The following FBXO8 variants were observed in gnomAD, a reference collection of about 807,000 sequenced individuals.
FBXO8 encodes F-box protein 8.
In FBXO8, 15 loss-of-function variants were observed where a neutral mutation model predicts 33.4. That is an observed-to-expected ratio of 0.45 (90% CI 0.30 to 0.69). The LOEUF (loss-of-function observed/expected upper bound fraction) is 0.69. FBXO8 is among the 30% of genes least tolerant of loss of function. The pLI is 0.08. For synonymous variants in FBXO8, 132 were observed against 131.5 expected, an observed-to-expected ratio of 1.00 and a Z score of -0.02; for missense variants, 274 against 380.3, an observed-to-expected ratio of 0.72 and a Z score of 2.32.
chr4:174,252,433 AC>A lies in FBXO8; in HGVS notation c.456+7265del, dbSNP rs1354004285. Among the ~76,000 whole-genome samples, 6 of 152,190 alleles carry A rather than the reference AC, an allele frequency of 3.9e-5. No homozygotes were observed. Among genetic ancestry groups the A allele is most frequent in the Non-Finnish European group, 7.4e-5 (5 of 68,026 alleles). ...ATACATTTACTTCAAAAATAAAATTACCTTGTATAACAAGAAGTTCCAAACT... is the reference window on the plus strand; with the variant it reads ...ATACATTTACTTCAAAAATAAAATTACTTGTATAACAAGAAGTTCCAAACT... On this transcript the variant is annotated intron_variant, in intron 3 of 5. Coordinates refer to ENST00000393674, the MANE Select transcript of FBXO8 (RefSeq NM_012180.3). The surrounding 1 kb of genome is among the most constrained non-coding windows in gnomAD (Gnocchi z 5.1).
chr4:174,271,526 C>A (rs912776965), intron 1 of FBXO8, among the ~76,000 whole-genome samples: 1 of 152,138 alleles, frequency 6.6e-6, no homozygotes, highest in Admixed American at 6.6e-5. Context: ...AACACACATA[C>A]ATCACATATC....
rs567363064 is a variant in FBXO8, at chr4:174,263,236, T to C, written c.-8-136A>G. 3.8e-4 allele frequency: 297 copies of C among 775,268 alleles called. 7 individuals carry two copies. The South Asian group carries it at 4.9e-3, about 13-fold the overall frequency. The allele number at this position is 775,268 out of a possible 1,614,324, so 48.0% of individuals were successfully genotyped here. On this transcript the variant is annotated intron_variant, in intron 1 of 5. Transcript: ENST00000393674. This position sits in a 1 kb window ranked among gnomAD's most constrained non-coding sequence, Gnocchi z 4.2. ...CATTAAAACCTACTAAAACCAGAAG[T>C]ATATTACTAAGAATAGCTGGAAAAT...
At position 174,270,860 on chromosome 4, in the gene FBXO8, GC is replaced by G. The variant is rs764795383; in HGVS notation, c.-8-7761del. Among the ~76,000 whole-genome samples the G allele has an allele frequency of 1.6e-4, 25 of 152,026 alleles. No individual in the cohort carries two copies. Among genetic ancestry groups the G allele is most frequent in the Non-Finnish European group, 2.6e-4 (18 of 67,996 alleles). Reference sequence around the variant, plus strand: ...ACGAACTCCTCACCTCAGGTGATCCGCCCGCCTCGGCTTCTCAGGAATAGGT... The same window carrying G: ...ACGAACTCCTCACCTCAGGTGATCCGCCGCCTCGGCTTCTCAGGAATAGGT... On this transcript the variant is annotated intron_variant, in intron 1 of 5. Transcript: ENST00000393674. The surrounding 1 kb of genome is among the most constrained non-coding windows in gnomAD (Gnocchi z 4.6).
chr4:174,243,628 C>A (rs1489331901), intron 3 of FBXO8, among the ~76,000 whole-genome samples: 2 of 150,306 alleles, frequency 1.3e-5, no homozygotes, highest in Admixed American at 1.3e-4. Context: ...TGTTGAATAA[C>A]TACATATTTG....
Position 174,245,578 on chromosome 4 carries a change from GT to G in FBXO8, c.457-4361del, listed in dbSNP as rs1736140160. 6.6e-6 allele frequency among the ~76,000 whole-genome samples: 1 copy of G among 151,868 alleles called. No homozygotes were observed. The highest frequency in any genetic ancestry group is 1.5e-5 in the Non-Finnish European group (1 of 67,888). ...ATAGTGCTGAATTTTAGGGTAAGAA[GT>G]TTATTCTCTATCCTAAATCTAACTG... On this transcript the variant is annotated intron_variant, in intron 3 of 5. Transcript: ENST00000393674. The surrounding 1 kb of genome is among the most constrained non-coding windows in gnomAD (Gnocchi z 4.6).
rs1006260536 is a variant in FBXO8, at chr4:174,241,399, T to A, written c.457-181A>T. On this transcript the variant is annotated intron_variant, in intron 3 of 5. Transcript: ENST00000393674. This position sits in a 1 kb window ranked among gnomAD's most constrained non-coding sequence, Gnocchi z 4.2. Reference sequence around the variant, plus strand: ...AAACTATTGTTTGTGGTTGATAGTTTACATGCAATGAAAAGCAGGAAATTC... The same window carrying A: ...AAACTATTGTTTGTGGTTGATAGTTAACATGCAATGAAAAGCAGGAAATTC... Among the ~76,000 whole-genome samples, 12 of 151,696 alleles carry A rather than the reference T, an allele frequency of 7.9e-5. No individual in the cohort carries two copies. Among genetic ancestry groups the A allele is most frequent in the African/African-American group, 2.7e-4 (11 of 41,412 alleles).
intron 3 of FBXO8, among the ~76,000 whole-genome samples, chr4:174,246,626 G>C (rs187494762): frequency 6.6e-6 from 1 of 151,904 alleles, no homozygotes; most frequent in Non-Finnish European, 1.5e-5. Context: ...ACCTACTCAT[G>C]TTAGAAGACA....
chr4:174,262,971 G>C lies in FBXO8; in HGVS notation c.122C>G (p.Thr41Ser), dbSNP rs1736606893. ...TCCTTGGACTTGTTTACGATGATTG[G>C]TGTTAGAAATGTTGCTCGCAGCCAT... ...RRMAASNISN[T>S]NHRKQVQGGI... The change falls in exon 2 of 6, where the codon ACC (threonine) becomes AGC (serine). Residue 41 changes from threonine (T) to serine (S), a missense_variant. Around this residue, in one of 2 missense-constraint regions of FBXO8, gnomAD observed 88 missense variants for 86.9 expected, o/e 1.01. Transcript: ENST00000393674. The surrounding 1 kb of genome is among the most constrained non-coding windows in gnomAD (Gnocchi z 4.6). 1 of 1,613,858 alleles carries C rather than the reference G, an allele frequency of 6.2e-7. No individual in the cohort carries two copies.
At chr4:174,238,741 C>CTATATATACATAGCCATGTATATA (rs1286122933) in intron 5 of FBXO8, among the ~76,000 whole-genome samples, 60 of 141,128 alleles carry the variant, frequency 4.3e-4, no homozygotes, top group Non-Finnish European at 8.2e-4. Flanking sequence ...ATATAAATGG[C>CTATATATACATAGCCATGTATATA]TATATATACA....
rs2126449019 is a variant in FBXO8, at chr4:174,275,056, A to G, written c.-9+8354T>C. On this transcript the variant is annotated intron_variant, in intron 1 of 5. Coordinates refer to ENST00000393674, the MANE Select transcript of FBXO8 (RefSeq NM_012180.3). This position sits in a 1 kb window ranked among gnomAD's most constrained non-coding sequence, Gnocchi z 4.4. ...TATTTGTAAACCACATATCTGACGG[A>G]CGAGTATCTAGAATATATAAACAAC... Among the ~76,000 whole-genome samples, 1 of 152,320 alleles carries G rather than the reference A, an allele frequency of 6.6e-6. No homozygotes were observed. The highest frequency in any genetic ancestry group is 2.4e-5 in the African/African-American group (1 of 41,574).
At chr4:174,249,167 T>C (rs1007521558) in intron 3 of FBXO8, among the ~76,000 whole-genome samples, 2 of 152,064 alleles carry the variant, frequency 1.3e-5, no homozygotes, top group South Asian at 4.1e-4. Context: ...ATCAATATGA[T>C]AGCTAAGAAA....
At position 174,255,966 on chromosome 4, in the gene FBXO8, G is replaced by C; in HGVS notation, c.456+3733C>G. On this transcript the variant is annotated intron_variant, in intron 3 of 5. Transcript: ENST00000393674. This position sits in a 1 kb window ranked among gnomAD's most constrained non-coding sequence, Gnocchi z 4.3. The stretch of plus-strand genomic sequence containing the variant: ...ACAAGCTCATGCACAAGATCAAGAC[G>C]TTACATACAGCTGAGATCACAATGT... 1 of 354,458 alleles carries C rather than the reference G, an allele frequency of 2.8e-6. No homozygotes were observed. 22.0% of individuals were successfully genotyped at this position (354,458 alleles called of 1,614,324 possible). A position where few individuals can be genotyped will look rare whatever the true frequency, so the allele number is the denominator to read the frequency against.
chr4:174,273,402 G>A (rs911090625), intron 1 of FBXO8, among the ~76,000 whole-genome samples: 5 of 150,352 alleles, frequency 3.3e-5, no homozygotes, highest in African/African-American at 4.9e-5. Context: ...CAATACCACC[G>A]AAATGCAGTA....
intron 3 of FBXO8, among the ~76,000 whole-genome samples, chr4:174,242,376 A>G (rs1317103030): frequency 6.6e-6 from 1 of 151,534 alleles, no homozygotes; most frequent in Admixed American, 6.6e-5. Context: ...TTTTTAAGTA[A>G]TTAGGTACCA....
chr4:174,275,720 G>A lies in FBXO8; in HGVS notation c.-9+7690C>T, dbSNP rs578029743. On this transcript the variant is annotated intron_variant, in intron 1 of 5. Coordinates refer to ENST00000393674, the MANE Select transcript of FBXO8 (RefSeq NM_012180.3). This position sits in a 1 kb window ranked among gnomAD's most constrained non-coding sequence, Gnocchi z 4.4. ...GAAGTCTACCATCATTTCACAAATA[G>A]TAACTATTTTAGATTTTGGGAATCC... 1.0e-3 allele frequency among the ~76,000 whole-genome samples: 157 copies of A among 152,276 alleles called. No individual in the cohort carries two copies. Among genetic ancestry groups the A allele is most frequent in the Middle Eastern group, 3.4e-3 (1 of 294 alleles).
chr4:174,272,022 AC>A lies in FBXO8; in HGVS notation c.-8-8923del, dbSNP rs1451054215. ...GGACCCCCTTAGGGGCTACAAAGAA[AC>A]TCCTAAGGCAATGTTTCCTAAACTT... On this transcript the variant is annotated intron_variant, in intron 1 of 5. Coordinates refer to ENST00000393674, the MANE Select transcript of FBXO8 (RefSeq NM_012180.3). This position sits in a 1 kb window ranked among gnomAD's most constrained non-coding sequence, Gnocchi z 4.7. 1.3e-5 allele frequency among the ~76,000 whole-genome samples: 2 copies of A among 152,172 alleles called. No homozygotes were observed. Among genetic ancestry groups the A allele is most frequent in the Non-Finnish European group, 2.9e-5 (2 of 68,030 alleles).
Position 174,259,206 on chromosome 4 carries a change from T to C in FBXO8, c.456+493A>G, listed in dbSNP as rs535274763. 6.9e-4 allele frequency among the ~76,000 whole-genome samples: 105 copies of C among 152,220 alleles called. No individual in the cohort carries two copies. The highest frequency in any genetic ancestry group is 1.4e-3 in the Non-Finnish European group (98 of 67,950). On this transcript the variant is annotated intron_variant, in intron 3 of 5. Coordinates refer to ENST00000393674, the MANE Select transcript of FBXO8 (RefSeq NM_012180.3). The surrounding 1 kb of genome is among the most constrained non-coding windows in gnomAD (Gnocchi z 4.3). ...ATTCAATTTTATAACAATCTATAAATAGTTCCTATGTCAACATGGAATTAT... is the reference window on the plus strand; with the variant it reads ...ATTCAATTTTATAACAATCTATAAACAGTTCCTATGTCAACATGGAATTAT...
Position 174,262,451 on chromosome 4 carries a change from T to C in FBXO8, c.329+313A>G, listed in dbSNP as rs1736584892. Reference sequence around the variant, plus strand: ...AACACTCCAACTTTTAAATTAGAAATTCTCACTCCACAACTTTGCGGTATT... The same window carrying C: ...AACACTCCAACTTTTAAATTAGAAACTCTCACTCCACAACTTTGCGGTATT... On this transcript the variant is annotated intron_variant, in intron 2 of 5. Transcript: ENST00000393674. This position sits in a 1 kb window ranked among gnomAD's most constrained non-coding sequence, Gnocchi z 4.6. Among the ~76,000 whole-genome samples the C allele has an allele frequency of 6.6e-6, 1 of 152,160 alleles. No homozygotes were observed. The highest frequency in any genetic ancestry group is 2.4e-5 in the African/African-American group (1 of 41,448).
chr4:174,262,750 T>C lies in FBXO8; in HGVS notation c.329+14A>G, dbSNP rs1324107450. ...TAGAGATACCTGAATTCAACTTTGGTGGGTTTAACTTACCCTTGCCAGAGA... is the reference window on the plus strand; with the variant it reads ...TAGAGATACCTGAATTCAACTTTGGCGGGTTTAACTTACCCTTGCCAGAGA... On this transcript the variant is annotated intron_variant, in intron 2 of 5. Coordinates refer to ENST00000393674, the MANE Select transcript of FBXO8 (RefSeq NM_012180.3). This position sits in a 1 kb window ranked among gnomAD's most constrained non-coding sequence, Gnocchi z 4.6. 7.5e-6 allele frequency: 12 copies of C among 1,608,376 alleles called. No homozygotes were observed. Among genetic ancestry groups the C allele is most frequent in the Non-Finnish European group, 1.0e-5 (12 of 1,175,524 alleles).
Sources: gnomAD v4.1 joint callset for allele counts (sites outside exome capture counted in the v4.1 genomes callset) on GRCh38, gnomAD v4.1.1 for gene constraint, gnomAD v4.1.1 regional missense constraint, Gnocchi (gnomAD v3.1) non-coding constraint, MANE v1.5 for transcripts, NCBI Gene and HGNC (gene_info 2026-07-23, HGNC 2026-07-21) for gene names.